The following THSD7A variants were observed in gnomAD, a reference collection of about 807,000 sequenced individuals.
THSD7A encodes thrombospondin type 1 domain containing 7A.
In THSD7A, 96 loss-of-function variants were observed where a neutral mutation model predicts 231.3. The ratio of observed to expected loss-of-function variants is 0.41; its 90% CI spans 0.35 to 0.49. THSD7A has a LOEUF of 0.49. Ranked by LOEUF, THSD7A falls within the 20% of genes least tolerant of loss-of-function variation. The pLI, the probability that THSD7A is intolerant of heterozygous loss-of-function variation, is 0.05. For synonymous variants in THSD7A, 940 were observed against 743.3 expected, an observed-to-expected ratio of 1.26 and a Z score of -4.30; for missense variants, 2,290 against 2,070.2, an observed-to-expected ratio of 1.11 and a Z score of -2.06.
At chr7:11,498,545 G>T (rs376897528) in intron 6 of THSD7A, among the ~76,000 whole-genome samples, 30 of 152,324 alleles carry the variant, frequency 2.0e-4, no homozygotes, top group African/African-American at 6.5e-4. Flanking sequence ...TGACTTAGCT[G>T]TTCCAGCCTT....
intron 4 of THSD7A, among the ~76,000 whole-genome samples, chr7:11,549,445 T>C (rs1013959853): frequency 6.6e-6 from 1 of 152,152 alleles, no homozygotes; most frequent in Non-Finnish European, 1.5e-5. Context: ...CCCAGATGAA[T>C]ATAAATCATC....
At chr7:11,379,009 C>G in intron 26 of THSD7A, 61 bp downstream of exon 26, 1 of 1,523,674 alleles carries the variant, frequency 6.6e-7, no homozygotes, top group Non-Finnish European at 9.0e-7. Context: ...CTTTTTTAAT[C>G]CTTTGGCATT....
At chr7:11,534,772 G>A (rs980002007) in intron 6 of THSD7A, among the ~76,000 whole-genome samples, 6 of 152,220 alleles carry the variant, frequency 3.9e-5, no homozygotes, top group Non-Finnish European at 8.8e-5. Context: ...GCTCACTAAT[G>A]TGAGGAATGC....
chr7:11,545,263 T>C (rs1435500848), intron 4 of THSD7A, among the ~76,000 whole-genome samples: 1 of 152,084 alleles, frequency 6.6e-6, no homozygotes, highest in Admixed American at 6.5e-5. Context: ...TGATGAAAAG[T>C]CATTTTAAAT....
chr7:11,638,563 A>G (rs1781956304), intron 1 of THSD7A, among the ~76,000 whole-genome samples: 1 of 152,198 alleles, frequency 6.6e-6, no homozygotes. Context: ...TGCTGTAAAT[A>G]TTGTGCTAAC....
At chr7:11,546,859 A>G (rs1312510624) in intron 4 of THSD7A, among the ~76,000 whole-genome samples, 1 of 152,192 alleles carries the variant, frequency 6.6e-6, no homozygotes, top group East Asian at 1.9e-4. Flanking sequence ...TAAGAAAAAA[A>G]ACAAACTGAT....
chr7:11,585,380 A>G (rs890160566), intron 4 of THSD7A, among the ~76,000 whole-genome samples: 13 of 152,152 alleles, frequency 8.5e-5, no homozygotes, highest in Non-Finnish European at 1.8e-4. Context: ...TCCTTTGGGG[A>G]TTCCTATGTT....
rs543261942 is a variant in THSD7A, at chr7:11,446,490, T to C, written c.2801-166A>G. 8.9e-4 allele frequency among the ~76,000 whole-genome samples: 136 copies of C among 152,266 alleles called. 2 individuals carry two copies. The South Asian group carries it at 0.026, about 29-fold the overall frequency. ...TTCTCATTCCACAGTGTTTTCTACA[T>C]AGGCTCCTGTTGGTATTGGGTGCTT... On this transcript the variant is annotated intron_variant, in intron 12 of 27. Transcript: ENST00000423059. This position sits in a 1 kb window ranked among gnomAD's most constrained non-coding sequence, Gnocchi z 4.0.
At chr7:11,782,402 CACACAT>C (rs1240618267) in intron 1 of THSD7A, among the ~76,000 whole-genome samples, 6 of 152,148 alleles carry the variant, frequency 3.9e-5, no homozygotes, top group Non-Finnish European at 8.8e-5. Context: ...TTAATTAACA[CACACAT>C]ACACATACAC....
At chr7:11,540,779 C>T (rs888408432) in intron 6 of THSD7A, among the ~76,000 whole-genome samples, 17 of 152,142 alleles carry the variant, frequency 1.1e-4, no homozygotes, top group African/African-American at 4.1e-4. Flanking sequence ...TTTTATCAAA[C>T]AAATATTAGT....
chr7:11,717,798 C>G (rs1781194393), intron 1 of THSD7A, among the ~76,000 whole-genome samples: 1 of 151,568 alleles, frequency 6.6e-6, no homozygotes, highest in Admixed American at 6.6e-5. Context: ...TTGGTCCTTT[C>G]CCTGCTCTAA....
chr7:11,823,336 T>A (rs1036915459), intron 1 of THSD7A, among the ~76,000 whole-genome samples: 1 of 152,122 alleles, frequency 6.6e-6, no homozygotes, highest in Admixed American at 6.6e-5. Flanking sequence ...ACTAGTACTA[T>A]GCTGTTTTGG....
At chr7:11,451,789 G>A (rs1371364370) in intron 11 of THSD7A, among the ~76,000 whole-genome samples, 1 of 152,024 alleles carries the variant, frequency 6.6e-6, no homozygotes, top group Admixed American at 6.6e-5. Context: ...CTCTGAAGCA[G>A]ATCAAATGGA....
Position 11,406,356 on chromosome 7 carries a change from A to G in THSD7A, c.4181T>C (p.Ile1394Thr). The change falls in exon 22 of 28, where the codon ATT becomes ACT. Residue 1394 changes from isoleucine to threonine, a missense_variant. Physicochemically the swap from Ile to Thr is moderately conservative, Grantham distance 89. Transcript: ENST00000423059. This position sits in a 1 kb window ranked among gnomAD's most constrained non-coding sequence, Gnocchi z 4.7. ...DEEFCADIEL[I>T]IDGNKNMVLE... ...AACCATATTTTTATTACCATCTATAATGAGTTCAATGTCAGCACAGAATTC... is the reference window on the plus strand; with the variant it reads ...AACCATATTTTTATTACCATCTATAGTGAGTTCAATGTCAGCACAGAATTC... 1 of 1,613,940 alleles carries G rather than the reference A, an allele frequency of 6.2e-7. No homozygotes were observed. Among genetic ancestry groups the G allele is most frequent in the Non-Finnish European group, 8.5e-7 (1 of 1,179,852 alleles).
intron 1 of THSD7A, among the ~76,000 whole-genome samples, chr7:11,701,999 T>A (rs1340063149): frequency 6.6e-6 from 1 of 151,172 alleles, no homozygotes; most frequent in Non-Finnish European, 1.5e-5. Flanking sequence ...AGGCCTCAAC[T>A]CTGACCACAG....
chr7:11,804,339 G>C (rs975966632), intron 1 of THSD7A, among the ~76,000 whole-genome samples: 2 of 152,066 alleles, frequency 1.3e-5, no homozygotes, highest in African/African-American at 4.8e-5. Context: ...TAAGTATTAA[G>C]AGAAAGATAG....
At chr7:11,484,647 G>A (rs1786572128) in intron 6 of THSD7A, among the ~76,000 whole-genome samples, 1 of 152,086 alleles carries the variant, frequency 6.6e-6, no homozygotes. Flanking sequence ...CCGACACGTA[G>A]GAAGCACTAA....
chr7:11,752,481 T>C (rs1288746467), intron 1 of THSD7A, among the ~76,000 whole-genome samples: 1 of 152,104 alleles, frequency 6.6e-6, no homozygotes, highest in African/African-American at 2.4e-5. Context: ...TAATTTTTGA[T>C]AATTGTTCAT....
chr7:11,699,658 G>T (rs1780517288), intron 1 of THSD7A, among the ~76,000 whole-genome samples: 1 of 151,256 alleles, frequency 6.6e-6, no homozygotes. Context: ...AATAAATGTT[G>T]CATATACATT....
Sources: gnomAD v4.1 joint callset for allele counts (sites outside exome capture counted in the v4.1 genomes callset) on GRCh38, gnomAD v4.1.1 for gene constraint, Gnocchi (gnomAD v3.1) non-coding constraint, MANE v1.5 for transcripts, NCBI Gene and HGNC (gene_info 2026-07-23, HGNC 2026-07-21) for gene names.